LDB3: variants seen among roughly 807,000 people sequenced by gnomAD.
The protein encoded by LDB3 is LIM domain binding 3.
In LDB3, 49 loss-of-function variants were observed where a neutral mutation model predicts 69.0. The ratio of observed to expected loss-of-function variants is 0.71; its 90% CI spans 0.56 to 0.90. The LOEUF is 0.90. Among genes scored for constraint, LDB3 ranks in the 40% least tolerant of loss-of-function variants. The pLI is 0.00. For missense variants in LDB3, 928 were observed against 974.1 expected (o/e 0.95, Z 0.63); for synonymous variants, 387 against 396.2 (o/e 0.98, Z 0.28).
chr10:86,699,394 C>T lies in LDB3; in HGVS notation c.896+6823C>T, dbSNP rs377726575. 1.3e-3 allele frequency: 2,035 copies of T among 1,613,378 alleles called. 2 individuals carry two copies. The highest frequency in any genetic ancestry group is 1.6e-3 in the Non-Finnish European group (1,870 of 1,179,836). ...AGCTAAAAGGCTGCCTGGAATCCCC[C>T]CACCCCAACAGGCTGGACTCCCTCC... On this transcript the variant is annotated intron_variant, in intron 7 of 13. Transcript: ENST00000361373. This position sits in a 1 kb window ranked among gnomAD's most constrained non-coding sequence, Gnocchi z 4.9.
At chr10:86,691,770 G>A in intron 5 of LDB3, 126 bp from the exon 6 acceptor site, 1 of 1,084,342 alleles carries the variant, frequency 9.2e-7, no homozygotes, top group Non-Finnish European at 1.4e-6. Context: ...TTCTCAGACA[G>A]CAATGGATAA....
chr10:86,682,037 G>A (rs1431898712), intron 5 of LDB3, among the ~76,000 whole-genome samples: 3 of 152,206 alleles, frequency 2.0e-5, no homozygotes, highest in Admixed American at 6.5e-5. Flanking sequence ...AGGAAACTGA[G>A]GCTCAGAGAA....
chr10:86,730,677 G>A (rs1847423208), intron 13 of LDB3, among the ~76,000 whole-genome samples: 1 of 152,226 alleles, frequency 6.6e-6, no homozygotes, highest in African/African-American at 2.4e-5. Context: ...TTTTTCAGCT[G>A]TGAAGTGGGA....
Position 86,733,377 on chromosome 10 carries a change from G to A in LDB3, c.*401G>A. 4.0e-6 allele frequency: 1 copy of A among 250,528 alleles called. No homozygotes were observed. The highest frequency in any genetic ancestry group is 7.8e-6 in the Non-Finnish European group (1 of 128,034). The allele number at this position is 250,528 out of a possible 1,614,324, so 15.5% of individuals were successfully genotyped here. A position where few individuals can be genotyped will look rare whatever the true frequency, so the allele number is the denominator to read the frequency against. On this transcript the variant is annotated 3_prime_UTR_variant, in exon 14 of 14. Transcript: ENST00000361373. Reference sequence around the variant, plus strand: ...TGCGGAGTTCTTAAGCGCTCCCCTGGCAAACAAATTGAAGTGCCAAACAGC... The same window carrying A: ...TGCGGAGTTCTTAAGCGCTCCCCTGACAAACAAATTGAAGTGCCAAACAGC...
In LDB3 at chr10:86,697,549, CTTTTTTTTTTTTTTT is replaced by C. The variant is rs71019409; in HGVS notation, c.896+4986_896+5000del. Among the ~76,000 whole-genome samples the C allele has an allele frequency of 5.3e-3, 447 of 83,994 alleles. 3 individuals carry two copies. Among genetic ancestry groups the C allele is most frequent in the East Asian group, 0.035 (85 of 2,462 alleles). 55.1% of individuals were successfully genotyped at this position (83,994 alleles called of 152,430 possible). A position where few individuals can be genotyped will look rare whatever the true frequency, so the allele number is the denominator to read the frequency against. On this transcript the variant is annotated intron_variant, in intron 7 of 13. Coordinates refer to ENST00000361373, the MANE Select transcript of LDB3 (RefSeq NM_007078.3). ...TTCTTTTTTTTCTTTTTCTTTCTTT[CTTTTTTTTTTTTTTT>C]TTTTTTTGAGATGGAGTCTCACTCT...
chr10:86,735,079 ACACACACACAC>A lies in LDB3; in HGVS notation c.*2104_*2114del. ...CACACACACACACACACACACACAC[ACACACACACAC>A]ACACACACACGATCATTAAAAAGTG... On this transcript the variant is annotated 3_prime_UTR_variant, in exon 14 of 14. Transcript: ENST00000361373. The A allele has an allele frequency of 6.6e-6, 1 of 151,054 alleles. No homozygotes were observed. Among genetic ancestry groups the A allele is most frequent in the African/African-American group, 2.4e-5 (1 of 41,016 alleles). The allele number at this position is 151,054 out of a possible 1,614,324, so 9.4% of individuals were successfully genotyped here.
intron 3 of LDB3, 98 bp downstream of exon 3, chr10:86,679,616 C>A (rs1015921861): frequency 2.2e-6 from 3 of 1,351,154 alleles, no homozygotes; most frequent in East Asian, 2.3e-5. Flanking sequence ...GAGTGGGCCC[C>A]GCCCTGGGCT....
Position 86,699,259 on chromosome 10 carries a change from C to G in LDB3, c.896+6688C>G. ...TCTGTTTCTCTCTCTCTCTCTCTCT[C>G]TCTCTCTCTGTGCCACAGGGAAAGG... On this transcript the variant is annotated intron_variant, in intron 7 of 13. Transcript: ENST00000361373. This position sits in a 1 kb window ranked among gnomAD's most constrained non-coding sequence, Gnocchi z 4.9. 6.2e-7 allele frequency: 1 copy of G among 1,611,234 alleles called. No homozygotes were observed. Among genetic ancestry groups the G allele is most frequent in the South Asian group, 1.1e-5 (1 of 90,894 alleles).
At chr10:86,691,839 A>C in intron 5 of LDB3, 57 bp from the exon 6 acceptor site, 1 of 1,595,028 alleles carries the variant, frequency 6.3e-7, no homozygotes, top group Non-Finnish European at 8.6e-7. Flanking sequence ...GGGACCCAGC[A>C]GGGTGGGAAC....
chr10:86,706,428 T>C (rs1846443000), intron 7 of LDB3, 103 bp from the exon 8 acceptor site: 4 of 1,262,508 alleles, frequency 3.2e-6, no homozygotes, highest in South Asian at 1.2e-5. Context: ...TGGAGCTTTC[T>C]GCCCAGCCTG....
At chr10:86,701,976 A>G (rs149202018) in intron 7 of LDB3, among the ~76,000 whole-genome samples, 2 of 152,206 alleles carry the variant, frequency 1.3e-5, no homozygotes, top group Non-Finnish European at 2.9e-5. Flanking sequence ...GGTGTTCTTC[A>G]TCTAGACCAC....
intron 2 of LDB3, among the ~76,000 whole-genome samples, chr10:86,672,066 C>A (rs11202119): frequency 1.3e-5 from 2 of 152,048 alleles, no homozygotes; most frequent in African/African-American, 2.4e-5. Flanking sequence ...GAGCTGAGAT[C>A]GCACCACTGC....
intron 5 of LDB3, among the ~76,000 whole-genome samples, chr10:86,683,888 C>A (rs1239047723): frequency 1.3e-5 from 2 of 152,228 alleles, no homozygotes; most frequent in African/African-American, 4.8e-5. Flanking sequence ...TCTGCACAAC[C>A]CACCTGCGGG....
intron 13 of LDB3, among the ~76,000 whole-genome samples, chr10:86,731,318 G>A (rs184211796): frequency 5.4e-5 from 8 of 147,862 alleles, no homozygotes; most frequent in East Asian, 2.1e-4. Context: ...TCCGTCTTCC[G>A]GGTTCAAGTG....
chr10:86,671,200 G>A (rs1386085883), intron 2 of LDB3, among the ~76,000 whole-genome samples: 1 of 152,232 alleles, frequency 6.6e-6, no homozygotes, highest in African/African-American at 2.4e-5. Context: ...TCTGCTCACA[G>A]GACAGGGATG....
chr10:86,688,968 G>A (rs117404704), intron 5 of LDB3, among the ~76,000 whole-genome samples: 256 of 152,122 alleles, frequency 1.7e-3, no homozygotes, highest in Non-Finnish European at 2.9e-3. Flanking sequence ...TTCCTCCCCT[G>A]GTATGCCTGG....
chr10:86,688,881 T>C (rs950875254), intron 5 of LDB3, among the ~76,000 whole-genome samples: 3 of 152,186 alleles, frequency 2.0e-5, no homozygotes, highest in African/African-American at 7.2e-5. Context: ...GTTTTGGAAT[T>C]GATGCACTGT....
intron 12 of LDB3, 35 bp from the exon 13 acceptor site, chr10:86,726,102 T>TGGGTGCG: frequency 6.6e-7 from 1 of 1,503,922 alleles, no homozygotes; most frequent in Non-Finnish European, 9.3e-7. Flanking sequence ...CTGCCCCCAC[T>TGGGTGCG]GGGTGCGGGG....
intron 7 of LDB3, among the ~76,000 whole-genome samples, chr10:86,702,760 C>T (rs1846310950): frequency 6.6e-6 from 1 of 152,146 alleles, no homozygotes; most frequent in African/African-American, 2.4e-5. Context: ...TGTGGAACTT[C>T]AGGCAGGAAC....
Sources: gnomAD v4.1 joint callset for allele counts (sites outside exome capture counted in the v4.1 genomes callset) on GRCh38, gnomAD v4.1.1 for gene constraint, Gnocchi (gnomAD v3.1) non-coding constraint, MANE v1.5 for transcripts, NCBI Gene and HGNC (gene_info 2026-07-23, HGNC 2026-07-21) for gene names.